FRMD3: variants seen among roughly 807,000 people sequenced by gnomAD.
The protein encoded by FRMD3 is FERM domain-containing protein 3.
In FRMD3, 33 loss-of-function variants were observed where a neutral mutation model predicts 70.2. The observed-to-expected ratio is 0.47, with a 90% confidence interval of 0.36 to 0.63. FRMD3 has a LOEUF of 0.63. Among genes scored for constraint, FRMD3 ranks in the 20% least tolerant of loss-of-function variants. FRMD3 has a pLI of 0.00. For synonymous variants in FRMD3, 279 were observed against 255.9 expected (o/e 1.09, Z -0.86); for missense variants, 632 against 711.4 (o/e 0.89, Z 1.27).
chr9:83,465,355 C>T (rs1465576578), intron 1 of FRMD3, among the ~76,000 whole-genome samples: 3 of 151,860 alleles, frequency 2.0e-5, no homozygotes, highest in Non-Finnish European at 2.9e-5. Flanking sequence ...TTTGGGAGGC[C>T]GAGGCAGGAG....
At chr9:83,355,376 C>G (rs1268074489) in intron 3 of FRMD3, among the ~76,000 whole-genome samples, 3 of 152,208 alleles carry the variant, frequency 2.0e-5, no homozygotes, top group African/African-American at 7.2e-5. Flanking sequence ...CTTTACTAGA[C>G]TGGGCAGCAT....
chr9:83,504,288 C>T (rs1164280066), intron 1 of FRMD3, among the ~76,000 whole-genome samples: 1 of 152,162 alleles, frequency 6.6e-6, no homozygotes, highest in Admixed American at 6.5e-5. Context: ...ACAGTTTTCA[C>T]CTCCTAATGG....
intron 13 of FRMD3, among the ~76,000 whole-genome samples, chr9:83,272,860 T>C (rs1289138653): frequency 6.9e-6 from 1 of 145,398 alleles, no homozygotes; most frequent in African/African-American, 2.6e-5. Flanking sequence ...GGAGCGTCTC[T>C]GCCCGGCCAC....
At chr9:83,490,640 C>G (rs11140119) in intron 1 of FRMD3, among the ~76,000 whole-genome samples, 1 of 151,978 alleles carries the variant, frequency 6.6e-6, no homozygotes, top group East Asian at 1.9e-4. Flanking sequence ...AAAAAAGATT[C>G]GTAGGAAACT....
intron 1 of FRMD3, among the ~76,000 whole-genome samples, chr9:83,514,563 G>A (rs548013215): frequency 2.6e-5 from 4 of 152,276 alleles, no homozygotes; most frequent in Admixed American, 2.0e-4. Context: ...GTTCCAGCCT[G>A]CCAACTCTGA....
chr9:83,298,481 A>G (rs1315357455), intron 12 of FRMD3, among the ~76,000 whole-genome samples: 1 of 152,242 alleles, frequency 6.6e-6, no homozygotes, highest in Admixed American at 6.5e-5. Context: ...ATGAGATGAC[A>G]GAGTTTGCCC....
At chr9:83,443,143 A>G (rs889892456) in intron 1 of FRMD3, among the ~76,000 whole-genome samples, 1 of 152,060 alleles carries the variant, frequency 6.6e-6, no homozygotes, top group African/African-American at 2.4e-5. Flanking sequence ...TGGTGAGAGT[A>G]TGTTTCTTTT....
chr9:83,326,243 TG>T (rs1158483624), intron 6 of FRMD3, among the ~76,000 whole-genome samples: 1 of 152,148 alleles, frequency 6.6e-6, no homozygotes, highest in Non-Finnish European at 1.5e-5. Flanking sequence ...ACACACAGTA[TG>T]TTCTGTCCTT....
At chr9:83,407,368 T>A (rs1280737403) in intron 1 of FRMD3, among the ~76,000 whole-genome samples, 1 of 152,182 alleles carries the variant, frequency 6.6e-6, no homozygotes, top group Non-Finnish European at 1.5e-5. Context: ...CCAACAAGGA[T>A]ATAATGGTGG....
intron 13 of FRMD3, among the ~76,000 whole-genome samples, chr9:83,275,399 GC>G (rs1229763893): frequency 6.6e-6 from 1 of 152,140 alleles, no homozygotes; most frequent in Non-Finnish European, 1.5e-5. Flanking sequence ...ATGATCCCCA[GC>G]CTAGGCAGCA....
rs982623174 is a variant in FRMD3, at chr9:83,467,497, C to T, written c.147+70588G>A. On this transcript the variant is annotated intron_variant, in intron 1 of 13. Coordinates refer to ENST00000304195, the MANE Select transcript of FRMD3 (RefSeq NM_174938.6). ...ACAAAAGAGACCCTCCCGAATTTCA[C>T]ATCCCCTTCTAATTTGTTTCAGTGA... 9 of 748,364 alleles carry T rather than the reference C, an allele frequency of 1.2e-5. No individual in the cohort carries two copies. The South Asian group carries it at 1.4e-4, about 11-fold the overall frequency. 46.4% of individuals were successfully genotyped at this position (748,364 alleles called of 1,614,324 possible). A position where few individuals can be genotyped will look rare whatever the true frequency, so the allele number is the denominator to read the frequency against.
chr9:83,282,404 G>A (rs1312164820), intron 13 of FRMD3, among the ~76,000 whole-genome samples: 1 of 152,092 alleles, frequency 6.6e-6, no homozygotes, highest in African/African-American at 2.4e-5. Context: ...TGCTGGGCCC[G>A]CCACAGGCTA....
intron 1 of FRMD3, among the ~76,000 whole-genome samples, chr9:83,439,228 G>A (rs1827228759): frequency 6.6e-6 from 1 of 152,218 alleles, no homozygotes; most frequent in Non-Finnish European, 1.5e-5. Context: ...GTCCATAAAT[G>A]GATAGGGTCC....
intron 11 of FRMD3, 77 bp from the exon 12 acceptor site, chr9:83,298,893 G>A: frequency 2.1e-6 from 3 of 1,398,864 alleles, no homozygotes; most frequent in Non-Finnish European, 3.0e-6. Flanking sequence ...GTGTCCTTTT[G>A]TTAACTTCAC....
intron 13 of FRMD3, among the ~76,000 whole-genome samples, chr9:83,260,235 G>A (rs1832923208): frequency 6.6e-6 from 1 of 152,162 alleles, no homozygotes; most frequent in Non-Finnish European, 1.5e-5. Context: ...ATATGAGCAT[G>A]TGATATTCAT....
intron 1 of FRMD3, among the ~76,000 whole-genome samples, chr9:83,516,195 C>G (rs1374056564): frequency 2.0e-5 from 3 of 151,908 alleles, no homozygotes; most frequent in South Asian, 2.1e-4. Context: ...AGAGTCACGA[C>G]CCATCAGTGT....
the FRMD3 span, among the ~76,000 whole-genome samples, chr9:83,575,967 T>G: frequency 6.6e-6 from 1 of 151,910 alleles, no homozygotes; most frequent in Non-Finnish European, 1.5e-5. Context: ...GCCTATAATC[T>G]CAGTGCTTTG....
intron 1 of FRMD3, among the ~76,000 whole-genome samples, chr9:83,523,131 T>C (rs1829613313): frequency 6.6e-6 from 1 of 151,966 alleles, no homozygotes; most frequent in South Asian, 2.1e-4. Flanking sequence ...ATTCAATAAA[T>C]GTTTGTTTGG....
intron 6 of FRMD3, among the ~76,000 whole-genome samples, chr9:83,318,516 T>G (rs545897317): frequency 9.5e-4 from 144 of 152,124 alleles, no homozygotes; most frequent in African/African-American, 3.2e-3. Flanking sequence ...TATATCACAT[T>G]TTCCTTGTCC....
Sources: allele counts gnomAD v4.1 joint callset (sites outside exome capture counted in the v4.1 genomes callset), GRCh38; gene constraint gnomAD v4.1.1; transcripts MANE v1.5; gene names NCBI Gene and HGNC (gene_info 2026-07-23, HGNC 2026-07-21).